The following TSTD2 variants were observed in gnomAD, a reference collection of about 807,000 sequenced individuals.
TSTD2 encodes the protein thiosulfate sulfurtransferase/rhodanese-like domain-containing protein 2.
TSTD2 carries 37 observed loss-of-function variants against 47.9 expected under a neutral mutation model. The ratio of observed to expected loss-of-function variants is 0.77; its 90% CI spans 0.59 to 1.02. The LOEUF (loss-of-function observed/expected upper bound fraction) is 1.02. TSTD2 is among the 50% of genes least tolerant of loss of function. The pLI, the probability that TSTD2 is intolerant of heterozygous loss-of-function variation, is 0.00. For synonymous variants in TSTD2, 201 were observed against 215.9 expected (o/e 0.93, Z 0.61); for missense variants, 586 against 616.0 (o/e 0.95, Z 0.52).
chr9:97,603,863 A>G (rs1461677186), intron 9 of TSTD2, among the ~76,000 whole-genome samples: 1 of 152,090 alleles, frequency 6.6e-6, no homozygotes, highest in African/African-American at 2.4e-5. Context: ...GCTAATTTAA[A>G]AAAGTTTTTG....
chr9:97,615,176 T>C (rs951851637), intron 4 of TSTD2, among the ~76,000 whole-genome samples: 18 of 152,254 alleles, frequency 1.2e-4, no homozygotes, highest in African/African-American at 4.3e-4. Context: ...CACTAGACTT[T>C]GAACCCCCAG....
rs1248519506 is a variant in TSTD2, at chr9:97,601,010, C to G, written c.*1459G>C. 2 of 1,288,320 alleles carry G rather than the reference C, an allele frequency of 1.6e-6. No individual in the cohort carries two copies. Among genetic ancestry groups the G allele is most frequent in the African/African-American group, 3.1e-5 (2 of 65,382 alleles). 79.8% of individuals were successfully genotyped at this position (1,288,320 alleles called of 1,614,324 possible). Reference sequence around the variant, plus strand: ...AACTCCAGAGCACTGAGCAGAGAGGCTGGTGATGAAAAGGTGAAGGCCTGC... The same window carrying G: ...AACTCCAGAGCACTGAGCAGAGAGGGTGGTGATGAAAAGGTGAAGGCCTGC... On this transcript the variant is annotated 3_prime_UTR_variant, in exon 10 of 10. Transcript: ENST00000341170.
At chr9:97,623,206 A>C (rs1424669301) in intron 3 of TSTD2, among the ~76,000 whole-genome samples, 1 of 152,188 alleles carries the variant, frequency 6.6e-6, no homozygotes, top group African/African-American at 2.4e-5. Context: ...AGTAAGTCTC[A>C]CAAGATCTGA....
intron 4 of TSTD2, among the ~76,000 whole-genome samples, chr9:97,612,727 C>T (rs1826478520): frequency 1.3e-5 from 2 of 152,128 alleles, no homozygotes; most frequent in Admixed American, 6.5e-5. Flanking sequence ...AGCTAATGTT[C>T]GTATTTTTAG....
chr9:97,609,886 C>CA (rs140229611), intron 6 of TSTD2, among the ~76,000 whole-genome samples: 3,654 of 152,174 alleles, frequency 0.024, 132 homozygotes, highest in East Asian at 0.13. Flanking sequence ...GTAAAAACTA[C>CA]AATAAAACCC....
intron 4 of TSTD2, among the ~76,000 whole-genome samples, chr9:97,613,380 C>T (rs1487324867): frequency 6.6e-6 from 1 of 152,184 alleles, no homozygotes; most frequent in Non-Finnish European, 1.5e-5. Context: ...GTGCCTGCCA[C>T]ATAGTAGGCA....
intron 4 of TSTD2, among the ~76,000 whole-genome samples, chr9:97,613,563 C>T (rs541960503): frequency 1.3e-5 from 2 of 152,076 alleles, no homozygotes; most frequent in South Asian, 2.1e-4. Flanking sequence ...TGGTTGTTTT[C>T]GTACTACAAA....
At chr9:97,632,485 C>G (rs1826843206) in intron 1 of TSTD2, among the ~76,000 whole-genome samples, 1 of 151,122 alleles carries the variant, frequency 6.6e-6, no homozygotes, top group South Asian at 2.1e-4. Flanking sequence ...GATCCTCCCA[C>G]CTCGGCCCCC....
intron 3 of TSTD2, among the ~76,000 whole-genome samples, chr9:97,619,048 G>A (rs981457744): frequency 3.9e-5 from 6 of 152,150 alleles, no homozygotes; most frequent in Non-Finnish European, 7.3e-5. Context: ...AAATGGAAGG[G>A]CCATATCTGT....
chr9:97,621,418 C>T (rs575140158), intron 3 of TSTD2, among the ~76,000 whole-genome samples: 13 of 152,270 alleles, frequency 8.5e-5, no homozygotes, highest in Admixed American at 7.2e-4. Context: ...ATGGTAACAG[C>T]CATGTTCAGG....
intron 8 of TSTD2, among the ~76,000 whole-genome samples, chr9:97,605,221 A>G (rs1050172332): frequency 1.3e-5 from 2 of 152,258 alleles, no homozygotes; most frequent in African/African-American, 2.4e-5. Flanking sequence ...CAAAAGGATC[A>G]GGAAAAGGGA....
chr9:97,607,754 T>G (rs56974364), intron 6 of TSTD2, among the ~76,000 whole-genome samples: 50 of 150,552 alleles, frequency 3.3e-4, no homozygotes, highest in African/African-American at 1.2e-3. Flanking sequence ...AATACAAAAA[T>G]TAGCCAGGTG....
In TSTD2 at chr9:97,607,473, G is replaced by A. The variant is rs75257487; in HGVS notation, c.836-1212C>T. Among the ~76,000 whole-genome samples the A allele has an allele frequency of 2.2e-3, 340 of 152,282 alleles. 1 individual carries two copies. Among genetic ancestry groups the A allele is most frequent in the African/African-American group, 7.9e-3 (330 of 41,556 alleles). ...CACCAAGGAGAGATGAGGGCCCAGA[G>A]CCAGGCCAAGGAATCTGGATTGCTA... On this transcript the variant is annotated intron_variant, in intron 6 of 9. Transcript: ENST00000341170.
At position 97,600,553 on chromosome 9, in the gene TSTD2, T is replaced by C; in HGVS notation, c.*1916A>G. On this transcript the variant is annotated 3_prime_UTR_variant, in exon 10 of 10. Coordinates refer to ENST00000341170, the MANE Select transcript of TSTD2 (RefSeq NM_139246.5). ...TATTGCACAGTGGGCAAATGGCTTA[T>C]GTGAGGTAAGACACTAGAGGGATAA... 1 of 985,932 alleles carries C rather than the reference T, an allele frequency of 1.0e-6. No homozygotes were observed. Among genetic ancestry groups the C allele is most frequent in the Non-Finnish European group, 1.2e-6 (1 of 830,308 alleles). The allele number at this position is 985,932 out of a possible 1,614,324, so 61.1% of individuals were successfully genotyped here. A position where few individuals can be genotyped will look rare whatever the true frequency, so the allele number is the denominator to read the frequency against.
Position 97,601,333 on chromosome 9 carries a change from C to T in TSTD2, c.*1136G>A. ...ACTGGCCAGAAGACTGGGCAGCCAC[C>T]ATGGCAGTGCTGGATGACCTCAGTA... On this transcript the variant is annotated 3_prime_UTR_variant, in exon 10 of 10. Coordinates refer to ENST00000341170, the MANE Select transcript of TSTD2 (RefSeq NM_139246.5). 1.7e-6 allele frequency: 2 copies of T among 1,147,102 alleles called. No individual in the cohort carries two copies. Among genetic ancestry groups the T allele is most frequent in the Non-Finnish European group, 1.1e-6 (1 of 917,358 alleles). The allele number at this position is 1,147,102 out of a possible 1,614,324, so 71.1% of individuals were successfully genotyped here.
Position 97,606,185 on chromosome 9 carries a change from A to G in TSTD2, c.912T>C (p.Asp304=). The G allele has an allele frequency of 6.2e-7, 1 of 1,612,942 alleles. No homozygotes were observed. Among genetic ancestry groups the G allele is most frequent in the Non-Finnish European group, 8.5e-7 (1 of 1,179,602 alleles). The stretch of plus-strand genomic sequence containing the variant: ...AGTTTCTGCAATCAAGAAGGATAGT[A>G]TCACTTTGTTCTTGATTTGCCTGAG... The part of the protein sequence containing the change: ...FLSQANQEQS[D]TILLDCRNFY... Residue 304 remains aspartate, a synonymous_variant, in exon 7 of 10, where the codon GAT becomes GAC. Coordinates refer to ENST00000341170, the MANE Select transcript of TSTD2 (RefSeq NM_139246.5).
intron 3 of TSTD2, 107 bp downstream of exon 3, chr9:97,625,574 A>T: frequency 9.6e-7 from 1 of 1,045,074 alleles, no homozygotes; most frequent in Non-Finnish European, 1.4e-6. Context: ...CACATTTGAC[A>T]CAGTTGGTCT....
chr9:97,632,919 G>A (rs555492774), intron 1 of TSTD2, among the ~76,000 whole-genome samples: 4 of 152,356 alleles, frequency 2.6e-5, no homozygotes, highest in Non-Finnish European at 4.4e-5. Flanking sequence ...GGACAAAGCA[G>A]ATAAGCCAGT....
At position 97,625,794 on chromosome 9, in the gene TSTD2, CTT is replaced by C; in HGVS notation, c.367_368del (p.Lys123GlufsTer7). On this transcript the variant is annotated frameshift_variant, in exon 3 of 10. Coordinates refer to ENST00000341170, the MANE Select transcript of TSTD2 (RefSeq NM_139246.5). LOFTEE classifies it high-confidence loss of function. Reference protein sequence around the residue: ...KQLAVTLSTSKSLSSADEKNP... With the variant: ...KQLAVTLSTSXSLSSADEKNP... ...TCTTTTCATCTGCAGACGAAAGACT[CTT>C]TGAGGTGCTCAATGTCACAGCCAGT... 6.2e-7 allele frequency: 1 copy of C among 1,614,158 alleles called. No homozygotes were observed. The highest frequency in any genetic ancestry group is 1.3e-5 in the African/African-American group (1 of 75,048).
Sources: gnomAD v4.1 joint callset for allele counts (sites outside exome capture counted in the v4.1 genomes callset) on GRCh38, gnomAD v4.1.1 for gene constraint, MANE v1.5 for transcripts, NCBI Gene and HGNC (gene_info 2026-07-23, HGNC 2026-07-21) for gene names.